Variants in GALP observed in about 807,000 individuals in gnomAD.
GALP encodes the protein galanin like peptide.
A neutral mutation model predicts 15.2 loss-of-function variants in GALP; 12 were observed. The observed-to-expected ratio is 0.79, with a 90% CI of 0.51 to 1.28. GALP has a LOEUF of 1.28. Among genes scored for constraint, GALP ranks in the 50% most tolerant of loss-of-function variants. The probability of loss-of-function intolerance (pLI) is 0.00; values close to 1 mark genes in which losing one functional copy is unlikely to be tolerated. For synonymous variants in GALP, 58 were observed against 55.1 expected (o/e 1.05, Z -0.23); for missense variants, 161 against 145.6 (o/e 1.11, Z -0.55).
At chr19:56,180,833 C>A (rs183331820) in intron 3 of GALP, among the ~76,000 whole-genome samples, 199 bp downstream of exon 3, 1 of 151,846 alleles carries the variant, frequency 6.6e-6, no homozygotes, top group East Asian at 1.9e-4. Context: ...GCCCAAATCC[C>A]AGCTCTGCCC....
chr19:56,178,052 GCA>G (rs1236475792), intron 2 of GALP, among the ~76,000 whole-genome samples: 6 of 152,072 alleles, frequency 3.9e-5, no homozygotes, highest in African/African-American at 1.4e-4. Flanking sequence ...AAAAAGCTAA[GCA>G]CATGACGTAA....
At chr19:56,179,388 A>C (rs1013708918) in intron 2 of GALP, among the ~76,000 whole-genome samples, 1 of 150,036 alleles carries the variant, frequency 6.7e-6, no homozygotes, top group Non-Finnish European at 1.5e-5. Flanking sequence ...GCTCACTGCA[A>C]GCTCTGCCTC....
Position 56,178,548 on chromosome 19 carries a change from G to A in GALP, c.87+1353G>A, listed in dbSNP as rs557275346. Among the ~76,000 whole-genome samples, 6 of 113,440 alleles carry A rather than the reference G, an allele frequency of 5.3e-5. No individual in the cohort carries two copies. The East Asian group carries it at 6.5e-4, about 12-fold the overall frequency. 74.4% of individuals were successfully genotyped at this position (113,440 alleles called of 152,430 possible). A position where few individuals can be genotyped will look rare whatever the true frequency, so the allele number is the denominator to read the frequency against. ...AAAAAAAAAAAAAAAAAAAAGAGAC[G>A]CCGGCTTGGCATTCAGCTGCCCTGA... On this transcript the variant is annotated intron_variant, in intron 2 of 5. Transcript: ENST00000357330.
Position 56,185,354 on chromosome 19 carries a change from A to C in GALP, c.*84A>C. 4.0e-6 allele frequency: 3 copies of C among 757,192 alleles called. No homozygotes were observed. In the South Asian group the frequency reaches 5.3e-5, roughly 13 times the overall value. 46.9% of individuals were successfully genotyped at this position (757,192 alleles called of 1,614,324 possible). A position where few individuals can be genotyped will look rare whatever the true frequency, so the allele number is the denominator to read the frequency against. ...CCTTTTCTAGGTACCCTATGCTGAGACTAAGATCCTGAAGTTAAATACCCA... is the reference window on the plus strand; with the variant it reads ...CCTTTTCTAGGTACCCTATGCTGAGCCTAAGATCCTGAAGTTAAATACCCA... On this transcript the variant is annotated 3_prime_UTR_variant, in exon 6 of 6. Transcript: ENST00000357330.
rs533377723 is a variant in GALP, at chr19:56,176,954, G to A, written c.-39-116G>A. On this transcript the variant is annotated intron_variant, in intron 1 of 5. Coordinates refer to ENST00000357330, the MANE Select transcript of GALP (RefSeq NM_033106.4). ...CTCAAGATGTGTACATTAAATGTGC[G>A]CCATTTTTGTATCTCGATGATGCCT... 47 of 583,614 alleles carry A rather than the reference G, an allele frequency of 8.1e-5. No homozygotes were observed. In the East Asian group the frequency reaches 1.2e-3, roughly 15 times the overall value. The allele number at this position is 583,614 out of a possible 1,614,324, so 36.2% of individuals were successfully genotyped here.
At chr19:56,182,038 C>A in intron 3 of GALP, 134 bp from the exon 4 acceptor site, 1 of 686,574 alleles carries the variant, frequency 1.5e-6, no homozygotes, top group South Asian at 1.7e-5. Flanking sequence ...TAGGGACGGT[C>A]AACACGCACC....
intron 3 of GALP, among the ~76,000 whole-genome samples, chr19:56,181,631 C>T (rs538128534): frequency 6.6e-6 from 1 of 152,110 alleles, no homozygotes; most frequent in African/African-American, 2.4e-5. Context: ...TGGTCTTGAA[C>T]TCCCAACCTC....
chr19:56,177,029 G>T, intron 1 of GALP, 41 bp from the exon 2 acceptor site: 2 of 990,978 alleles, frequency 2.0e-6, no homozygotes, highest in Non-Finnish European at 3.1e-6. Flanking sequence ...AATGCACCTG[G>T]CCCCCGCTTC....
At chr19:56,178,521 C>CAAAAAAAAAAAAAAAAAAAAAAA (rs80223966) in intron 2 of GALP, among the ~76,000 whole-genome samples, 1 of 85,768 alleles carries the variant, frequency 1.2e-5, no homozygotes, top group African/African-American at 4.4e-5. Flanking sequence ...ACAACAACAA[C>CAAAAAAAAAAAAAAAAAAAAAAA]AAAAAAAAAA....
At chr19:56,183,978 A>G (rs2032612254) in intron 5 of GALP, among the ~76,000 whole-genome samples, 1 of 150,764 alleles carries the variant, frequency 6.6e-6, no homozygotes, top group Non-Finnish European at 1.5e-5. Flanking sequence ...TTTTTTCTTA[A>G]GGAGTCCCTC....
At chr19:56,178,977 C>T (rs1009323442) in intron 2 of GALP, among the ~76,000 whole-genome samples, 1 of 152,262 alleles carries the variant, frequency 6.6e-6, no homozygotes, top group East Asian at 1.9e-4. Flanking sequence ...GAGTTTGAGA[C>T]CAGCTTGGCC....
intron 3 of GALP, 112 bp downstream of exon 3, chr19:56,180,746 G>A (rs1213497781): frequency 4.9e-6 from 4 of 821,418 alleles, no homozygotes; most frequent in African/African-American, 1.7e-5. Context: ...GAGGCCCATG[G>A]ATTTATTTGC....
chr19:56,182,710 C>T (rs1325115510), intron 4 of GALP, among the ~76,000 whole-genome samples: 14 of 152,152 alleles, frequency 9.2e-5, no homozygotes, highest in African/African-American at 3.1e-4. Context: ...AGGCACCTGA[C>T]ACCACACCCA....
Position 56,185,382 on chromosome 19 carries a change from T to C in GALP, c.*112T>C, listed in dbSNP as rs754924053. On this transcript the variant is annotated 3_prime_UTR_variant, in exon 6 of 6. Transcript: ENST00000357330. Reference sequence around the variant, plus strand: ...AAGATCCTGAAGTTAAATACCCAGGTCTCATGAAGACATTGTAAAGCATTT... The same window carrying C: ...AAGATCCTGAAGTTAAATACCCAGGCCTCATGAAGACATTGTAAAGCATTT... 1 of 612,150 alleles carries C rather than the reference T, an allele frequency of 1.6e-6. No individual in the cohort carries two copies. The highest frequency in any genetic ancestry group is 2.8e-6 in the Non-Finnish European group (1 of 351,548). The allele number at this position is 612,150 out of a possible 1,614,324, so 37.9% of individuals were successfully genotyped here.
At chr19:56,183,889 C>T (rs1388552120) in intron 5 of GALP, among the ~76,000 whole-genome samples, 5 of 151,922 alleles carry the variant, frequency 3.3e-5, no homozygotes, top group East Asian at 1.9e-4. Flanking sequence ...TGAGCCACTG[C>T]GCCTGGCCTC....
Position 56,183,215 on chromosome 19 carries a change from A to C in GALP, c.295+3A>C. 2.5e-6 allele frequency: 4 copies of C among 1,610,344 alleles called. No homozygotes were observed. Among genetic ancestry groups the C allele is most frequent in the Non-Finnish European group, 3.4e-6 (4 of 1,176,526 alleles). Reference sequence around the variant, plus strand: ...GTTTGCCAAACCAGAGATTGGAGGTAAAGCCAGGAAACACAGAAGAGAGAC... The same window carrying C: ...GTTTGCCAAACCAGAGATTGGAGGTCAAGCCAGGAAACACAGAAGAGAGAC... On this transcript the variant is annotated splice_donor_region_variant and intron_variant, in intron 5 of 5. Transcript: ENST00000357330.
In GALP at chr19:56,182,173, C is replaced by G; in HGVS notation, c.138C>G (p.Val46=). The G allele has an allele frequency of 4.3e-6, 7 of 1,612,802 alleles. No individual in the cohort carries two copies. Among genetic ancestry groups the G allele is most frequent in the Non-Finnish European group, 5.9e-6 (7 of 1,178,774 alleles). The change falls in exon 4 of 6, where the codon GTC becomes GTG. Residue 46 remains valine (V), a splice_region_variant and synonymous_variant. Coordinates refer to ENST00000357330, the MANE Select transcript of GALP (RefSeq NM_033106.4). ...LNSAGYLLGP[V]LHLPQMGDQD... ...CTTGCTCTCTCCCTCCCTACCCAGT[C>G]CTCCACCTTCCCCAAATGGGTGACC...
In GALP at chr19:56,182,167, C is replaced by G. The variant is rs1215392645; in HGVS notation, c.137-5C>G. 1 of 1,610,910 alleles carries G rather than the reference C, an allele frequency of 6.2e-7. No homozygotes were observed. The highest frequency in any genetic ancestry group is 8.5e-7 in the Non-Finnish European group (1 of 1,177,126). On this transcript the variant is annotated splice_region_variant and splice_polypyrimidine_tract_variant and intron_variant, in intron 3 of 5. Coordinates refer to ENST00000357330, the MANE Select transcript of GALP (RefSeq NM_033106.4). ...CCTGCTCTTGCTCTCTCCCTCCCTA[C>G]CCAGTCCTCCACCTTCCCCAAATGG...
rs1267546635 is a variant in GALP, at chr19:56,185,330, C to T, written c.*60C>T. The T allele has an allele frequency of 9.9e-7, 1 of 1,009,654 alleles. No homozygotes were observed. Among genetic ancestry groups the T allele is most frequent in the Non-Finnish European group, 1.5e-6 (1 of 652,690 alleles). The allele number at this position is 1,009,654 out of a possible 1,614,324, so 62.5% of individuals were successfully genotyped here. A position where few individuals can be genotyped will look rare whatever the true frequency, so the allele number is the denominator to read the frequency against. On this transcript the variant is annotated 3_prime_UTR_variant, in exon 6 of 6. Coordinates refer to ENST00000357330, the MANE Select transcript of GALP (RefSeq NM_033106.4). Reference sequence around the variant, plus strand: ...CAGCTCCTCCTGCTCCCTCTGAAACCTTTTCTAGGTACCCTATGCTGAGAC... The same window carrying T: ...CAGCTCCTCCTGCTCCCTCTGAAACTTTTTCTAGGTACCCTATGCTGAGAC...
Sources: allele counts gnomAD v4.1 joint callset (sites outside exome capture counted in the v4.1 genomes callset), GRCh38; gene constraint gnomAD v4.1.1; transcripts MANE v1.5; gene names NCBI Gene and HGNC (gene_info 2026-07-23, HGNC 2026-07-21).